ENTPD4: variants seen among roughly 807,000 people sequenced by gnomAD.
ENTPD4 encodes ectonucleoside triphosphate diphosphohydrolase 4.
In ENTPD4, 60 loss-of-function variants were observed where a neutral mutation model predicts 79.1. The ratio of observed to expected loss-of-function variants is 0.76; its 90% CI spans 0.62 to 0.94. ENTPD4 has a LOEUF of 0.94. Ranked by LOEUF, ENTPD4 falls within the 40% of genes least tolerant of loss-of-function variation. The probability of loss-of-function intolerance (pLI) is 0.00; values close to 1 mark genes in which losing one functional copy is unlikely to be tolerated. For missense variants in ENTPD4, 772 were observed against 775.1 expected, an observed-to-expected ratio of 1.00 and a Z score of 0.05; for synonymous variants, 276 against 292.0, an observed-to-expected ratio of 0.95 and a Z score of 0.56.
chr8:23,430,975 G>A lies in ENTPD4; in HGVS notation c.*1951C>T, dbSNP rs1800444482. The A allele has an allele frequency of 1.0e-6, 1 of 985,374 alleles. No individual in the cohort carries two copies. Among genetic ancestry groups the A allele is most frequent in the Non-Finnish European group, 1.2e-6 (1 of 829,918 alleles). 61.0% of individuals were successfully genotyped at this position (985,374 alleles called of 1,614,324 possible). ...AAATACGATGCAGGTAAATCCAGAG[G>A]CAGAGCCTGGGTCCCCAGGCTGCTG... On this transcript the variant is annotated 3_prime_UTR_variant, in exon 13 of 13. Transcript: ENST00000358689.
In ENTPD4 at chr8:23,444,334, T is replaced by C. The variant is rs1800726111; in HGVS notation, c.563+122A>G. 4.5e-6 allele frequency: 4 copies of C among 894,284 alleles called. No homozygotes were observed. In the African/African-American group the frequency reaches 5.0e-5, roughly 11 times the overall value. 55.4% of individuals were successfully genotyped at this position (894,284 alleles called of 1,614,324 possible). On this transcript the variant is annotated intron_variant, in intron 5 of 12. Coordinates refer to ENST00000358689, the MANE Select transcript of ENTPD4 (RefSeq NM_004901.5). ...CTGTTACAGACTTGAAGAAAGAATT[T>C]TGAATATTTTCCTTTCAATGATGAT...
chr8:23,450,134 C>G (rs1231435472), intron 1 of ENTPD4, 137 bp from the exon 2 acceptor site: 1 of 575,856 alleles, frequency 1.7e-6, no homozygotes, highest in South Asian at 2.1e-5. Context: ...AGGGTTTATT[C>G]TGAGCAACAC....
chr8:23,436,231 G>A (rs976606650), intron 10 of ENTPD4, among the ~76,000 whole-genome samples: 1 of 152,228 alleles, frequency 6.6e-6, no homozygotes, highest in Non-Finnish European at 1.5e-5. Flanking sequence ...ATGGGTTTGA[G>A]AAATACTTGG....
In ENTPD4 at chr8:23,439,684, G is replaced by A. The variant is rs963212201; in HGVS notation, c.1049+65C>T. On this transcript the variant is annotated intron_variant, in intron 9 of 12. Transcript: ENST00000358689. Reference sequence around the variant, plus strand: ...ATTGAGTTCTTCCCACTTTGCCTGGGTCTGTTTTTTATGAGGAGAGACCTA... The same window carrying A: ...ATTGAGTTCTTCCCACTTTGCCTGGATCTGTTTTTTATGAGGAGAGACCTA... 12 of 1,489,888 alleles carry A rather than the reference G, an allele frequency of 8.1e-6. No homozygotes were observed. In the African/African-American group the frequency reaches 1.7e-4, roughly 21 times the overall value. 92.3% of individuals were successfully genotyped at this position (1,489,888 alleles called of 1,614,324 possible).
chr8:23,443,764 A>T, intron 6 of ENTPD4, 86 bp downstream of exon 6: 3 of 738,134 alleles, frequency 4.1e-6, no homozygotes, highest in Non-Finnish European at 2.4e-6. Context: ...AGACAATAGG[A>T]GTATAACAAA....
chr8:23,433,076 G>A lies in ENTPD4; in HGVS notation c.1701C>T (p.Phe567=). The A allele has an allele frequency of 8.7e-6, 14 of 1,614,210 alleles. No homozygotes were observed. The highest frequency in any genetic ancestry group is 1.2e-5 in the Non-Finnish European group (14 of 1,180,038). The change falls in exon 13 of 13, where the codon TTC becomes TTT. Residue 567 remains phenylalanine (F), a synonymous_variant. Transcript: ENST00000358689. The part of the protein sequence containing the change: ...GVSFVYNHYL[F]SGCFLVVLLA... Reference sequence around the variant, plus strand: ...GCAGCACCACCAGGAAGCAGCCAGAGAACAGGTAGTGGTTGTAGACAAAGG... The same window carrying A: ...GCAGCACCACCAGGAAGCAGCCAGAAAACAGGTAGTGGTTGTAGACAAAGG...
chr8:23,431,524 C>G lies in ENTPD4; in HGVS notation c.*1402G>C. The G allele has an allele frequency of 5.1e-6, 5 of 985,400 alleles. No homozygotes were observed. The highest frequency in any genetic ancestry group is 6.0e-6 in the Non-Finnish European group (5 of 829,936). The allele number at this position is 985,400 out of a possible 1,614,324, so 61.0% of individuals were successfully genotyped here. The stretch of plus-strand genomic sequence containing the variant: ...TTTGGCTTAAATTGTCGAATTTTTT[C>G]CTTCAAAATGTGAATTTATTTCCTG... On this transcript the variant is annotated 3_prime_UTR_variant, in exon 13 of 13. Coordinates refer to ENST00000358689, the MANE Select transcript of ENTPD4 (RefSeq NM_004901.5).
chr8:23,445,341 AGGATGCCTCTTCAGGCTTCCAATTC>A (rs1219546909), intron 4 of ENTPD4, among the ~76,000 whole-genome samples: 5 of 152,168 alleles, frequency 3.3e-5, no homozygotes, highest in African/African-American at 9.6e-5. Context: ...CCCTACCCAA[AGGATGCCTCTTCAGGCTTCCAATTC>A]TTTTGTGGCT....
intron 1 of ENTPD4, among the ~76,000 whole-genome samples, chr8:23,457,052 A>T: frequency 6.6e-6 from 1 of 152,230 alleles, no homozygotes; most frequent in East Asian, 1.9e-4. Context: ...CGCATTACTC[A>T]AGTTCAGAAA....
rs897981691 is a variant in ENTPD4 at position 23,444,487 on chromosome 8, A to G, written c.532T>C (p.Cys178Arg). ...GGGAGGATTCTCATTCCAGCCGTGC[A>G]GAGAATGTAGAGAGGTGTCTCTTTG... ...KHKETPLYILCTAGMRILPES... is the reference protein window; with the variant it reads ...KHKETPLYILRTAGMRILPES... Residue 178 changes from cysteine to arginine, a missense_variant, in exon 5 of 13, where the codon TGC (cysteine) becomes CGC (arginine). Coordinates refer to ENST00000358689, the MANE Select transcript of ENTPD4 (RefSeq NM_004901.5). The G allele has an allele frequency of 1.9e-6, 3 of 1,614,142 alleles. No individual in the cohort carries two copies. Among genetic ancestry groups the G allele is most frequent in the East Asian group, 2.2e-5 (1 of 44,870 alleles).
rs1403913852 is a variant in ENTPD4 at position 23,432,689 on chromosome 8, G to A, written c.*237C>T. The A allele has an allele frequency of 1.8e-5, 16 of 895,918 alleles. No homozygotes were observed. Among genetic ancestry groups the A allele is most frequent in the Admixed American group, 3.8e-5 (1 of 26,126 alleles). The allele number at this position is 895,918 out of a possible 1,614,324, so 55.5% of individuals were successfully genotyped here. A position where few individuals can be genotyped will look rare whatever the true frequency, so the allele number is the denominator to read the frequency against. ...AATTTTTTGTATTTTTAGTAGAGAC[G>A]GGGTTTCACCGTGTTAGCCAGGATG... is the stretch of plus-strand genomic sequence containing the variant. On this transcript the variant is annotated 3_prime_UTR_variant, in exon 13 of 13. Coordinates refer to ENST00000358689, the MANE Select transcript of ENTPD4 (RefSeq NM_004901.5).
intron 6 of ENTPD4, among the ~76,000 whole-genome samples, chr8:23,442,758 A>G (rs1800695888): frequency 1.3e-5 from 2 of 151,328 alleles, no homozygotes. Flanking sequence ...GTCTGATTCT[A>G]TTTTCACATT....
rs1306233840 is a variant in ENTPD4 at position 23,429,507 on chromosome 8, C to T, written c.*3419G>A. On this transcript the variant is annotated 3_prime_UTR_variant, in exon 13 of 13. Transcript: ENST00000358689. ...TTTTGTTGCATTGCACACAACTGAC[C>T]GCAGAGAATTCTAAAGCTGATTTTT... 14 of 985,306 alleles carry T rather than the reference C, an allele frequency of 1.4e-5. No homozygotes were observed. The highest frequency in any genetic ancestry group is 1.7e-5 in the African/African-American group (1 of 57,318). 61.0% of individuals were successfully genotyped at this position (985,306 alleles called of 1,614,324 possible).
At chr8:23,440,408 C>G (rs1485100518) in intron 8 of ENTPD4, among the ~76,000 whole-genome samples, 1 of 151,868 alleles carries the variant, frequency 6.6e-6, no homozygotes, top group Non-Finnish European at 1.5e-5. Flanking sequence ...TTTTTTAAAA[C>G]TATGAGTAGA....
At chr8:23,444,250 T>C (rs745677039) in intron 5 of ENTPD4, among the ~76,000 whole-genome samples, 54 of 152,244 alleles carry the variant, frequency 3.5e-4, no homozygotes, top group Non-Finnish European at 6.0e-4. Flanking sequence ...CCGTTGCCTA[T>C]AGTCCTAAGT....
Position 23,431,264 on chromosome 8 carries a change from C to T in ENTPD4, c.*1662G>A. ...TGCCCAGTACCTAGTTCCAAAGCCACTTTTATAATATCCTCAGTTATCTGT... is the reference window on the plus strand; with the variant it reads ...TGCCCAGTACCTAGTTCCAAAGCCATTTTTATAATATCCTCAGTTATCTGT... On this transcript the variant is annotated 3_prime_UTR_variant, in exon 13 of 13. Coordinates refer to ENST00000358689, the MANE Select transcript of ENTPD4 (RefSeq NM_004901.5). 1 of 897,314 alleles carries T rather than the reference C, an allele frequency of 1.1e-6. No homozygotes were observed. Among genetic ancestry groups the T allele is most frequent in the Non-Finnish European group, 1.3e-6 (1 of 750,058 alleles). 55.6% of individuals were successfully genotyped at this position (897,314 alleles called of 1,614,324 possible).
In ENTPD4 at chr8:23,434,344, A is replaced by T; in HGVS notation, c.1595T>A (p.Leu532His). Residue 532 changes from leucine (L) to histidine (H), a missense_variant, in exon 12 of 13, where the codon CTC (leucine) becomes CAC (histidine). By Grantham distance (99) the Leu-to-His change is moderately conservative (BLOSUM62 -3). Coordinates refer to ENST00000358689, the MANE Select transcript of ENTPD4 (RefSeq NM_004901.5). ...TAATGGTAGAAAGCGGGTCCTGTAG[A>T]GGATGGCTCCAAGGGTCCACTGAAC... ...KEVQWTLGAILYRTRFLPLRD... is the reference protein window; with the variant it reads ...KEVQWTLGAIHYRTRFLPLRD... 6.2e-7 allele frequency: 1 copy of T among 1,614,214 alleles called. No homozygotes were observed. Among genetic ancestry groups the T allele is most frequent in the Non-Finnish European group, 8.5e-7 (1 of 1,180,020 alleles).
chr8:23,453,747 T>C (rs28583707), intron 1 of ENTPD4, among the ~76,000 whole-genome samples: 10,258 of 152,196 alleles, frequency 0.067, 515 homozygotes, highest in African/African-American at 0.13. Flanking sequence ...CACTTATGCA[T>C]GCCTATCCTC....
At position 23,437,192 on chromosome 8, in the gene ENTPD4, G is replaced by A. The variant is rs1371902516; in HGVS notation, c.1116C>T (p.Asp372=). 6.2e-7 allele frequency: 1 copy of A among 1,614,164 alleles called. No individual in the cohort carries two copies. Among genetic ancestry groups the A allele is most frequent in the South Asian group, 1.1e-5 (1 of 91,088 alleles). ...MPYLDPCLPL[D]IKDEIQQNGQ... ...CATTTTGCTGGATTTCATCTTTAATGTCTAGGGGTAGGCAGGGGTCCAAGT... is the reference window on the plus strand; with the variant it reads ...CATTTTGCTGGATTTCATCTTTAATATCTAGGGGTAGGCAGGGGTCCAAGT... The change falls in exon 10 of 13, where the codon GAC becomes GAT. Residue 372 remains aspartate (D), a synonymous_variant. Transcript: ENST00000358689.
Sources: allele counts gnomAD v4.1 joint callset (sites outside exome capture counted in the v4.1 genomes callset), GRCh38; gene constraint gnomAD v4.1.1; transcripts MANE v1.5; gene names NCBI Gene and HGNC (gene_info 2026-07-23, HGNC 2026-07-21).